The following PTPRS variants were observed in gnomAD, a reference collection of about 807,000 sequenced individuals.
PTPRS encodes the protein receptor-type tyrosine-protein phosphatase S.
PTPRS carries 63 observed loss-of-function variants against 215.3 expected under a neutral mutation model. That is an observed-to-expected ratio of 0.29 (90% CI 0.24 to 0.36). The LOEUF is 0.36. PTPRS is among the 10% of genes least tolerant of loss of function. The probability of loss-of-function intolerance (pLI) is 1.00; values close to 1 mark genes in which losing one functional copy is unlikely to be tolerated. For synonymous variants in PTPRS, 1,404 were observed against 1,191.4 expected, an observed-to-expected ratio of 1.18 and a Z score of -3.68; for missense variants, 2,258 against 2,825.8, an observed-to-expected ratio of 0.80 and a Z score of 4.56.
At chr19:5,233,168 G>C (rs981316915) in intron 13 of PTPRS, among the ~76,000 whole-genome samples, 1 of 138,274 alleles carries the variant, frequency 7.2e-6, no homozygotes, top group East Asian at 2.3e-4. Flanking sequence ...TCATAGAATG[G>C]TAACAAAATA....
At chr19:5,236,849 G>A (rs7246210) in intron 13 of PTPRS, among the ~76,000 whole-genome samples, 59,915 of 128,136 alleles carry the variant, frequency 0.47, 12,994 homozygotes, top group Admixed American at 0.56. Flanking sequence ...GGAGCAGGGG[G>A]AAAAAAAAAA....
chr19:5,252,485 G>A (rs897355623), intron 9 of PTPRS, among the ~76,000 whole-genome samples: 7 of 150,762 alleles, frequency 4.6e-5, no homozygotes, highest in African/African-American at 1.7e-4. Context: ...ACTGAGGCAG[G>A]AGAATCACTT....
intron 2 of PTPRS, chr19:5,278,283 A>G: frequency 2.9e-6 from 1 of 344,418 alleles, no homozygotes; most frequent in East Asian, 7.5e-5. Context: ...CAATGGCACG[A>G]ACATACCTCA....
At chr19:5,279,723 C>T (rs2047688409) in intron 2 of PTPRS, among the ~76,000 whole-genome samples, 1 of 151,944 alleles carries the variant, frequency 6.6e-6, no homozygotes. Context: ...CACTGTGTCA[C>T]CCAGGCGGGA....
Position 5,212,051 on chromosome 19 carries a change from G to A in PTPRS, c.4969C>T (p.Pro1657Ser), listed in dbSNP as rs759473614. Residue 1657 changes from proline (P) to serine (S), a missense_variant, in exon 32 of 38, where the codon CCC (proline) becomes TCC (serine). Around this residue, in one of 6 missense-constraint regions of PTPRS, gnomAD observed 927 missense variants for 1,125.9 expected, o/e 0.82. Coordinates refer to ENST00000262963, the MANE Select transcript of PTPRS (RefSeq NM_002850.4). ...EAVGCGNTEV[P>S]ARSLYAYIQK... Reference sequence around the variant, plus strand: ...ATGTAGGCATAGAGGCTGCGTGCGGGCACTTCTGTGTTGCCACAGCCCACG... The same window carrying A: ...ATGTAGGCATAGAGGCTGCGTGCGGACACTTCTGTGTTGCCACAGCCCACG... 1.2e-5 allele frequency: 19 copies of A among 1,613,868 alleles called. No individual in the cohort carries two copies. The highest frequency in any genetic ancestry group is 1.2e-4 in the Admixed American group (7 of 60,008).
chr19:5,226,272 C>T (rs939746071), intron 16 of PTPRS, among the ~76,000 whole-genome samples: 2 of 152,224 alleles, frequency 1.3e-5, no homozygotes, highest in African/African-American at 4.8e-5. Context: ...TGCTGTTCCT[C>T]CAATGCACCA....
intron 16 of PTPRS, among the ~76,000 whole-genome samples, 163 bp downstream of exon 16, chr19:5,229,153 G>A (rs528818214): frequency 1.2e-4 from 18 of 152,346 alleles, no homozygotes; most frequent in African/African-American, 4.3e-4. Flanking sequence ...CAAACATCGA[G>A]GCTGGGCGCT....
Position 5,213,308 on chromosome 19 carries a change from C to T in PTPRS, c.4615-817G>A, listed in dbSNP as rs1430615527. 3.4e-5 allele frequency among the ~76,000 whole-genome samples: 4 copies of T among 117,284 alleles called. No individual in the cohort carries two copies. The South Asian group carries it at 1.2e-3, about 35-fold the overall frequency. The allele number at this position is 117,284 out of a possible 152,430, so 76.9% of individuals were successfully genotyped here. A position where few individuals can be genotyped will look rare whatever the true frequency, so the allele number is the denominator to read the frequency against. ...TGCCCACAGCCCTCCATGGCTCCTG[C>T]CTCCCACAGGGTCAAAGCCAAAGTC... On this transcript the variant is annotated intron_variant, in intron 30 of 37. Transcript: ENST00000262963.
At chr19:5,224,192 G>C (rs1446809644) in intron 17 of PTPRS, among the ~76,000 whole-genome samples, 1 of 95,030 alleles carries the variant, frequency 1.1e-5, no homozygotes, top group African/African-American at 4.4e-5. Flanking sequence ...AATAAAAGTA[G>C]GTCTCAAGAA....
Position 5,229,353 on chromosome 19 carries a change from G to T in PTPRS, c.2350-11C>A. ...GTCATCCGTCTCCCACTGAGCGCGG[G>T]AGGAGGCGGCAGGGGAGAGAGGAGG... On this transcript the variant is annotated splice_polypyrimidine_tract_variant and intron_variant, in intron 15 of 37. Coordinates refer to ENST00000262963, the MANE Select transcript of PTPRS (RefSeq NM_002850.4). 1.5e-6 allele frequency: 2 copies of T among 1,378,990 alleles called. No individual in the cohort carries two copies. Among genetic ancestry groups the T allele is most frequent in the African/African-American group, 3.0e-5 (2 of 66,758 alleles). 85.4% of individuals were successfully genotyped at this position (1,378,990 alleles called of 1,614,324 possible).
intron 13 of PTPRS, among the ~76,000 whole-genome samples, chr19:5,233,655 GA>G (rs2043193412): frequency 6.6e-6 from 1 of 150,628 alleles, no homozygotes; most frequent in Non-Finnish European, 1.5e-5. Context: ...AATAGCATAA[GA>G]ATCTCGGCCG....
intron 1 of PTPRS, among the ~76,000 whole-genome samples, chr19:5,328,977 G>A (rs1292625994): frequency 1.3e-5 from 2 of 152,342 alleles, no homozygotes; most frequent in African/African-American, 2.4e-5. Flanking sequence ...GCTGGTACAC[G>A]CAGGCCAGGC....
intron 2 of PTPRS, among the ~76,000 whole-genome samples, chr19:5,283,944 G>A (rs1463334917): frequency 6.6e-6 from 1 of 152,064 alleles, no homozygotes; most frequent in Admixed American, 6.6e-5. Context: ...GCCAGGCACT[G>A]GGACTCACGC....
In PTPRS at chr19:5,229,524, C is replaced by T; in HGVS notation, c.2316G>A (p.Pro772=). ...RMEGAEARGP[P]RIKDVMLADA... is the part of the protein sequence containing the mutation. ...CGGCCAGCATGACGTCCTTGATGCGCGGCGGCCCGCGGGCCTCGGCGCCCT... is the reference window on the plus strand; with the variant it reads ...CGGCCAGCATGACGTCCTTGATGCGTGGCGGCCCGCGGGCCTCGGCGCCCT... Residue 772 remains proline, a synonymous_variant, in exon 15 of 38, where the codon CCG becomes CCA. Coordinates refer to ENST00000262963, the MANE Select transcript of PTPRS (RefSeq NM_002850.4). 2 of 1,463,072 alleles carry T rather than the reference C, an allele frequency of 1.4e-6. No individual in the cohort carries two copies. The highest frequency in any genetic ancestry group is 1.8e-6 in the Non-Finnish European group (2 of 1,109,460). The allele number at this position is 1,463,072 out of a possible 1,614,324, so 90.6% of individuals were successfully genotyped here. A position where few individuals can be genotyped will look rare whatever the true frequency, so the allele number is the denominator to read the frequency against.
intron 1 of PTPRS, among the ~76,000 whole-genome samples, chr19:5,286,666 G>A (rs1262727409): frequency 6.6e-6 from 1 of 152,080 alleles, no homozygotes; most frequent in Non-Finnish European, 1.5e-5. Context: ...CTTGATCTTG[G>A]ACTTCCCAGC....
intron 22 of PTPRS, 73 bp from the exon 23 acceptor site, chr19:5,219,540 A>C (rs947380490): frequency 2.7e-6 from 4 of 1,476,560 alleles, no homozygotes; most frequent in African/African-American, 1.4e-5. Context: ...TTTCTCAAAC[A>C]TGAACCTACG....
intron 1 of PTPRS, among the ~76,000 whole-genome samples, chr19:5,290,048 A>AT (rs2048681155): frequency 6.6e-6 from 1 of 152,246 alleles, no homozygotes; most frequent in East Asian, 1.9e-4. Flanking sequence ...TGTTAGGAAA[A>AT]GCATGGCAGC....
chr19:5,285,471 A>G (rs973245311), intron 2 of PTPRS, among the ~76,000 whole-genome samples: 8 of 152,192 alleles, frequency 5.3e-5, no homozygotes, highest in African/African-American at 1.9e-4. Flanking sequence ...CATCCTGACG[A>G]GGAATGGCTT....
Position 5,219,384 on chromosome 19 carries a change from A to G in PTPRS, c.3849T>C (p.Leu1283=), listed in dbSNP as rs753711888. 6.2e-7 allele frequency: 1 copy of G among 1,613,876 alleles called. No individual in the cohort carries two copies. The highest frequency in any genetic ancestry group is 2.2e-5 in the East Asian group (1 of 44,844). ...PQPIVDGEEG[L]IWVIGPVLAV... ...CCAGCACAGGCCCGATCACCCAGATAAGCCCCTCCTCGCCATCCACGATGG... is the reference window on the plus strand; with the variant it reads ...CCAGCACAGGCCCGATCACCCAGATGAGCCCCTCCTCGCCATCCACGATGG... Residue 1283 remains leucine, a synonymous_variant, in exon 23 of 38, where the codon CTT becomes CTC. Transcript: ENST00000262963.
Sources: allele counts gnomAD v4.1 joint callset (sites outside exome capture counted in the v4.1 genomes callset), GRCh38; gene constraint gnomAD v4.1.1; regional missense constraint gnomAD v4.1.1; transcripts MANE v1.5; gene names NCBI Gene and HGNC (gene_info 2026-07-23, HGNC 2026-07-21).